MALRD1: variants seen among roughly 807,000 people sequenced by gnomAD.
MALRD1 encodes MAM and LDL-receptor class A domain-containing protein 1.
MALRD1 carries 247 observed loss-of-function variants against 242.1 expected under a neutral mutation model. That is an observed-to-expected ratio of 1.02 (90% CI 0.92 to 1.13). MALRD1 has a LOEUF of 1.13. Among genes scored for constraint, MALRD1 ranks in the 50% most tolerant of loss-of-function variants. The probability of loss-of-function intolerance (pLI) is 0.00; values close to 1 mark genes in which losing one functional copy is unlikely to be tolerated. For missense variants in MALRD1, 2,989 were observed against 2,533.1 expected (o/e 1.18, Z -3.86); for synonymous variants, 995 against 866.6 (o/e 1.15, Z -2.60).
At chr10:19,160,878 G>A (rs996952434) in intron 12 of MALRD1, among the ~76,000 whole-genome samples, 5 of 140,662 alleles carry the variant, frequency 3.6e-5, no homozygotes, top group Admixed American at 7.2e-5. Context: ...TCTTGCTAGC[G>A]GTCTATCAAT....
chr10:19,481,055 A>G (rs953390863), intron 29 of MALRD1, among the ~76,000 whole-genome samples: 1 of 152,232 alleles, frequency 6.6e-6, no homozygotes, highest in Non-Finnish European at 1.5e-5. Flanking sequence ...TCAACCAAGT[A>G]TACATACAGT....
chr10:19,662,412 A>G (rs1841481382), intron 36 of MALRD1, among the ~76,000 whole-genome samples: 2 of 152,192 alleles, frequency 1.3e-5, no homozygotes, highest in Admixed American at 1.3e-4. Flanking sequence ...AAAAAGCAGA[A>G]AGATAACTCA....
Position 19,209,622 on chromosome 10 carries a change from A to G in MALRD1, c.2933A>G (p.Asn978Ser). Residue 978 changes from asparagine to serine, a missense_variant, in exon 18 of 40, where the codon AAT becomes AGT. Coordinates refer to ENST00000454679, the MANE Select transcript of MALRD1 (RefSeq NM_001142308.3). ...CAGCTGCTGTGGCAGATATTTGGGAATCAAGGCAACAGATGGATTAGGAAA... is the reference window on the plus strand; with the variant it reads ...CAGCTGCTGTGGCAGATATTTGGGAGTCAAGGCAACAGATGGATTAGGAAA... ...RGQLLWQIFG[N>S]QGNRWIRKHL... The G allele has an allele frequency of 1.3e-6, 2 of 1,551,054 alleles. No individual in the cohort carries two copies. Among genetic ancestry groups the G allele is most frequent in the East Asian group, 2.4e-5 (1 of 40,922 alleles).
intron 29 of MALRD1, among the ~76,000 whole-genome samples, chr10:19,487,489 C>A (rs184370194): frequency 7.8e-4 from 117 of 149,692 alleles, no homozygotes; most frequent in Admixed American, 9.4e-4. Context: ...AGAAAATAAC[C>A]CTTATTTAGA....
chr10:19,075,549 A>T (rs1162364484), intron 2 of MALRD1, among the ~76,000 whole-genome samples: 1 of 152,036 alleles, frequency 6.6e-6, no homozygotes, highest in Non-Finnish European at 1.5e-5. Context: ...GAGAACAATC[A>T]CTGGTTAACA....
chr10:19,211,684 C>CAAAAAAAA (rs71387056), intron 18 of MALRD1, among the ~76,000 whole-genome samples: 4 of 67,324 alleles, frequency 5.9e-5, no homozygotes, highest in African/African-American at 1.9e-4. Context: ...TGACTCCTCA[C>CAAAAAAAA]AAAAAAAAAA....
intron 28 of MALRD1, among the ~76,000 whole-genome samples, chr10:19,428,336 G>A (rs535197099): frequency 1.3e-5 from 2 of 152,014 alleles, no homozygotes; most frequent in Admixed American, 6.6e-5. Flanking sequence ...CTTGGAAACT[G>A]CTTCAGAAAA....
chr10:19,727,774 T>TG (rs1835103256), intron 38 of MALRD1, among the ~76,000 whole-genome samples: 1 of 151,876 alleles, frequency 6.6e-6, no homozygotes, highest in Non-Finnish European at 1.5e-5. Flanking sequence ...TTGCATTTTT[T>TG]TTTTTTTGGC....
At chr10:19,103,357 C>G (rs1298763574) in intron 4 of MALRD1, among the ~76,000 whole-genome samples, 1 of 151,614 alleles carries the variant, frequency 6.6e-6, no homozygotes, top group Non-Finnish European at 1.5e-5. Flanking sequence ...GTCAGGAGAT[C>G]GAGACCATCC....
intron 21 of MALRD1, among the ~76,000 whole-genome samples, chr10:19,306,179 TTGAA>T (rs1842184238): frequency 1.6e-5 from 2 of 128,020 alleles, no homozygotes; most frequent in East Asian, 2.3e-4. Flanking sequence ...ACAGAATTGG[TTGAA>T]TGCTAATTTA....
rs191937282 is a variant in MALRD1, at chr10:19,404,128, A to T, written c.4845+14519A>T. Among the ~76,000 whole-genome samples, 53 of 152,190 alleles carry T rather than the reference A, an allele frequency of 3.5e-4. No individual in the cohort carries two copies. In the East Asian group the frequency reaches 0.01, roughly 29 times the overall value. ...TATTTTGTTTTTCCATTTGAACACA[A>T]AATACAATGGGAGCATATAAGTAAA... is the stretch of plus-strand genomic sequence containing the variant. On this transcript the variant is annotated intron_variant, in intron 28 of 39. Transcript: ENST00000454679.
At chr10:19,577,708 G>T (rs1021037579) in intron 33 of MALRD1, among the ~76,000 whole-genome samples, 1 of 151,894 alleles carries the variant, frequency 6.6e-6, no homozygotes, top group South Asian at 2.1e-4. Context: ...GAATGATGAC[G>T]TTGGCCACAT....
At chr10:19,295,316 A>G (rs889856240) in intron 21 of MALRD1, among the ~76,000 whole-genome samples, 2 of 152,130 alleles carry the variant, frequency 1.3e-5, no homozygotes, top group East Asian at 3.9e-4. Context: ...CTGTCTTTCT[A>G]TGTGCTTGCC....
At chr10:19,541,233 C>T (rs2131376861) in intron 32 of MALRD1, among the ~76,000 whole-genome samples, 1 of 152,204 alleles carries the variant, frequency 6.6e-6, no homozygotes, top group East Asian at 1.9e-4. Context: ...ATTGTTTTTA[C>T]AAGTGGTGTT....
At chr10:19,519,437 T>TGAAAAATCTTTA in intron 31 of MALRD1, among the ~76,000 whole-genome samples, 1 of 152,310 alleles carries the variant, frequency 6.6e-6, no homozygotes, top group East Asian at 1.9e-4. Context: ...TTATATACTT[T>TGAAAAATCTTTA]GAAAAATCTT....
At chr10:19,690,777 G>A (rs1007391574) in intron 36 of MALRD1, among the ~76,000 whole-genome samples, 2 of 151,952 alleles carry the variant, frequency 1.3e-5, no homozygotes, top group East Asian at 3.9e-4. Flanking sequence ...GTAGATAATA[G>A]ATAGATGGAT....
intron 26 of MALRD1, among the ~76,000 whole-genome samples, chr10:19,374,206 TACAATGAAGTA>T (rs1845505458): frequency 1.3e-5 from 2 of 152,228 alleles, no homozygotes; most frequent in African/African-American, 4.8e-5. Flanking sequence ...GCATGCATAG[TACAATGAAGTA>T]CTAATGTAGA....
intron 21 of MALRD1, among the ~76,000 whole-genome samples, chr10:19,295,468 T>G (rs1841651366): frequency 6.6e-6 from 1 of 151,550 alleles, no homozygotes; most frequent in African/African-American, 2.4e-5. Flanking sequence ...TTTGGGTGTG[T>G]GTGTGTGTGT....
At chr10:19,079,057 T>G (rs958401417) in intron 2 of MALRD1, among the ~76,000 whole-genome samples, 7 of 151,574 alleles carry the variant, frequency 4.6e-5, no homozygotes, top group Admixed American at 2.6e-4. Context: ...TTTAGTTTTC[T>G]CTTCCTTTAG....
Sources: allele counts gnomAD v4.1 joint callset (sites outside exome capture counted in the v4.1 genomes callset), GRCh38; gene constraint gnomAD v4.1.1; transcripts MANE v1.5; gene names NCBI Gene and HGNC (gene_info 2026-07-23, HGNC 2026-07-21).